PROSER1: variants seen among roughly 807,000 people sequenced by gnomAD.
The protein encoded by PROSER1 is proline and serine rich 1, also known as proline and serine-rich protein 1.
PROSER1 carries 36 observed loss-of-function variants against 71.8 expected under a neutral mutation model. The observed-to-expected ratio is 0.50, with a 90% CI of 0.38 to 0.66. PROSER1 has a LOEUF of 0.66. PROSER1 is among the 30% of genes least tolerant of loss of function. The pLI is 0.00. For missense variants in PROSER1, 1,107 were observed against 1,135.0 expected, an observed-to-expected ratio of 0.98 and a Z score of 0.35; for synonymous variants, 490 against 452.4, an observed-to-expected ratio of 1.08 and a Z score of -1.06.
In PROSER1 at chr13:39,017,533, G is replaced by A. The variant is rs1870062334; in HGVS notation, c.742C>T (p.Leu248Phe). 2 of 1,522,768 alleles carry A rather than the reference G, an allele frequency of 1.3e-6. No individual in the cohort carries two copies. Among genetic ancestry groups the A allele is most frequent in the Non-Finnish European group, 1.8e-6 (2 of 1,108,904 alleles). 94.3% of individuals were successfully genotyped at this position (1,522,768 alleles called of 1,614,324 possible). A position where few individuals can be genotyped will look rare whatever the true frequency, so the allele number is the denominator to read the frequency against. The change falls in exon 10 of 13, where the codon CTT becomes TTT. Residue 248 changes from leucine (L) to phenylalanine (F), a missense_variant. Physicochemically the swap from Leu to Phe is conservative, Grantham distance 22. Coordinates refer to ENST00000352251, the MANE Select transcript of PROSER1 (RefSeq NM_025138.5). Reference protein sequence around the residue: ...PNPVGTENEDLSNPSKPIQNQ... With the variant: ...PNPVGTENEDFSNPSKPIQNQ... ...TGTATAGGTTTTGACGGATTCGAAA[G>A]GTCTTCATTCTCTATATAAAAATAA... is the stretch of plus-strand genomic sequence containing the variant.
Position 39,012,985 on chromosome 13 carries a change from G to C in PROSER1, c.2267C>G (p.Pro756Arg), listed in dbSNP as rs1869755516. The change falls in exon 11 of 13, where the codon CCA becomes CGA. Residue 756 changes from proline to arginine, a missense_variant. Transcript: ENST00000352251. ...AVLSGLSASA[P>R]VSAAPFPLNL... ...GAGGGGGAAAGGTGCTGCTGAGACT[G>C]GTGCTGAAGCAGAAAGCCCTGAGAG... 6.2e-7 allele frequency: 1 copy of C among 1,614,062 alleles called. No homozygotes were observed. Among genetic ancestry groups the C allele is most frequent in the African/African-American group, 1.3e-5 (1 of 74,916 alleles).
rs1474551241 is a variant in PROSER1, at chr13:39,015,939, A to G, written c.776-1463T>C. Among the ~76,000 whole-genome samples, 4 of 152,196 alleles carry G rather than the reference A, an allele frequency of 2.6e-5. No individual in the cohort carries two copies. In the East Asian group the frequency reaches 7.7e-4, roughly 29 times the overall value. On this transcript the variant is annotated intron_variant, in intron 10 of 12. Transcript: ENST00000352251. ...CTTATGTTTGTAAATAATGTACCAA[A>G]AAGGTATTTAAGTCCATAGGTGTTG...
In PROSER1 at chr13:39,022,191, G is replaced by A. The variant is rs191780281; in HGVS notation, c.730+135C>T. ...ATGAAAACTGTCCCACATTACCAAG[G>A]ATTCACTTCCAGATCCTTCAGACTC... On this transcript the variant is annotated intron_variant, in intron 9 of 12. Transcript: ENST00000352251. The A allele has an allele frequency of 2.5e-4, 164 of 659,480 alleles. 1 individual carries two copies. The African/African-American group carries it at 2.7e-3, about 11-fold the overall frequency. The allele number at this position is 659,480 out of a possible 1,614,324, so 40.9% of individuals were successfully genotyped here.
Position 39,013,265 on chromosome 13 carries a change from G to A in PROSER1, c.1987C>T (p.Leu663Phe), listed in dbSNP as rs1869779926. The A allele has an allele frequency of 2.5e-6, 4 of 1,614,066 alleles. No homozygotes were observed. The highest frequency in any genetic ancestry group is 3.4e-6 in the Non-Finnish European group (4 of 1,180,036). The change falls in exon 11 of 13, where the codon CTC (leucine) becomes TTC (phenylalanine). Residue 663 changes from leucine (L) to phenylalanine (F), a missense_variant. Leu to Phe is a conservative substitution (Grantham distance 22). Transcript: ENST00000352251. ...SACLNPALSG[L>F]SSLSTPLNGS... Reference sequence around the variant, plus strand: ...TTTAAAGGAGTACTCAAGCTGGAGAGACCTGACAATGCAGGATTAAGGCAA... The same window carrying A: ...TTTAAAGGAGTACTCAAGCTGGAGAAACCTGACAATGCAGGATTAAGGCAA...
intron 1 of PROSER1, among the ~76,000 whole-genome samples, chr13:39,034,539 C>T (rs2138138308): frequency 6.6e-6 from 1 of 152,294 alleles, no homozygotes; most frequent in South Asian, 2.1e-4. Flanking sequence ...CAAAACATTC[C>T]AAATCCAAAT....
chr13:39,016,727 TC>T lies in PROSER1; in HGVS notation c.775+772del, dbSNP rs142180128. ...CAGAGGCAGGATAAGAAACTGGATG[TC>T]CTGACATTTCACTTAGTGTTCTTTA... On this transcript the variant is annotated intron_variant, in intron 10 of 12. Transcript: ENST00000352251. Among the ~76,000 whole-genome samples, 1,234 of 152,300 alleles carry T rather than the reference TC, an allele frequency of 8.1e-3. 14 individuals are homozygous for T. Among genetic ancestry groups the T allele is most frequent in the African/African-American group, 0.028 (1,175 of 41,560 alleles).
Position 39,028,242 on chromosome 13 carries a change from C to T in PROSER1, c.354G>A (p.Lys118=). Residue 118 remains lysine, a synonymous_variant, in exon 5 of 13, where the codon AAG becomes AAA. Transcript: ENST00000352251. Reference sequence around the variant, plus strand: ...AGAAAACTACCTGTTCAAGTATTCTCTTGCACCGTTTCTTCTCAGACATAT... The same window carrying T: ...AGAAAACTACCTGTTCAAGTATTCTTTTGCACCGTTTCTTCTCAGACATAT... The part of the protein sequence containing the change: ...RVNMSEKKRC[K]RILEQAFKGG... The T allele has an allele frequency of 6.3e-7, 1 of 1,577,706 alleles. No individual in the cohort carries two copies. The highest frequency in any genetic ancestry group is 8.7e-7 in the Non-Finnish European group (1 of 1,148,004).
At chr13:39,020,702 T>C (rs1389790538) in intron 9 of PROSER1, among the ~76,000 whole-genome samples, 2 of 152,208 alleles carry the variant, frequency 1.3e-5, no homozygotes, top group Non-Finnish European at 2.9e-5. Context: ...ATCTTCCATG[T>C]TGAAAGGGTG....
At chr13:39,036,796 T>C (rs930540690) in intron 1 of PROSER1, among the ~76,000 whole-genome samples, 5 of 152,168 alleles carry the variant, frequency 3.3e-5, no homozygotes, top group Admixed American at 6.5e-5. Flanking sequence ...GAAAACCCCA[T>C]CATAATAACT....
Position 39,013,326 on chromosome 13 carries a change from TGCACG to T in PROSER1, c.1921_1925del (p.Arg641IlefsTer15). The T allele has an allele frequency of 6.2e-7, 1 of 1,614,158 alleles. No homozygotes were observed. The highest frequency in any genetic ancestry group is 8.5e-7 in the Non-Finnish European group (1 of 1,180,028). On this transcript the variant is annotated frameshift_variant, in exon 11 of 13. Coordinates refer to ENST00000352251, the MANE Select transcript of PROSER1 (RefSeq NM_025138.5). LOFTEE classifies it high-confidence loss of function. ...TGATGGGCACGGATGTTGAAGTATA[TGCACG>T]GCCCAATGTCCCTGACAAACCTAAA...
chr13:39,013,530 G>A lies in PROSER1; in HGVS notation c.1722C>T (p.Ser574=). 6.2e-7 allele frequency: 1 copy of A among 1,614,100 alleles called. No individual in the cohort carries two copies. The highest frequency in any genetic ancestry group is 8.5e-7 in the Non-Finnish European group (1 of 1,180,026). The change falls in exon 11 of 13, where the codon AGC becomes AGT. Residue 574 remains serine, a synonymous_variant. Coordinates refer to ENST00000352251, the MANE Select transcript of PROSER1 (RefSeq NM_025138.5). ...GCAAAAGGGAGGCTGAGGAGCCACA[G>A]CTAACTGGCACTGACGTGGAAGCTG... ...AASASTSVPV[S]CGSSASLLRG... is the part of the protein sequence containing the mutation.
At chr13:39,029,107 G>C in intron 4 of PROSER1, 174 bp downstream of exon 4, 1 of 435,990 alleles carries the variant, frequency 2.3e-6, no homozygotes, top group Non-Finnish European at 4.0e-6. Context: ...ATAAGTTATA[G>C]TCATATATGT....
chr13:39,032,754 G>A (rs1870908004), intron 2 of PROSER1, among the ~76,000 whole-genome samples: 1 of 151,886 alleles, frequency 6.6e-6, no homozygotes, highest in South Asian at 2.1e-4. Flanking sequence ...CCATATCTAA[G>A]ATACAAAGAA....
At position 39,029,361 on chromosome 13, in the gene PROSER1, G is replaced by A. The variant is rs61737582; in HGVS notation, c.195C>T (p.Val65=). The A allele has an allele frequency of 0.068, 98,634 of 1,442,924 alleles. 3,700 individuals are homozygous for A. Among genetic ancestry groups the A allele is most frequent in the South Asian group, 0.12 (7,565 of 61,486 alleles). 89.4% of individuals were successfully genotyped at this position (1,442,924 alleles called of 1,614,324 possible). The change falls in exon 4 of 13, where the codon GTC becomes GTT. Residue 65 remains valine (V), a synonymous_variant. Transcript: ENST00000352251. ...MKALQHKMVA[V]QPTEVVNILN... ...GTATATTGACCACTTCTGTTGGCTG[G>A]ACAGCCACCATTTTCTGTTGATATA...
intron 10 of PROSER1, among the ~76,000 whole-genome samples, chr13:39,015,770 C>T (rs1869980341): frequency 6.6e-6 from 1 of 152,006 alleles, no homozygotes; most frequent in Admixed American, 6.6e-5. Context: ...AAGTCTTGAC[C>T]GTATTAATGT....
At chr13:39,025,872 T>C (rs1420218288) in intron 6 of PROSER1, among the ~76,000 whole-genome samples, 3 of 152,220 alleles carry the variant, frequency 2.0e-5, no homozygotes, top group Non-Finnish European at 4.4e-5. Flanking sequence ...CATTAGATGA[T>C]ATAAAAACAA....
chr13:39,028,693 C>T (rs1204925045), intron 4 of PROSER1, among the ~76,000 whole-genome samples: 1 of 152,004 alleles, frequency 6.6e-6, no homozygotes, highest in Non-Finnish European at 1.5e-5. Context: ...TAATTTTGTG[C>T]TTTTATGGAC....
Position 39,035,897 on chromosome 13 carries a change from T to C in PROSER1, c.45+1301A>G, listed in dbSNP as rs960721673. On this transcript the variant is annotated intron_variant, in intron 1 of 12. Transcript: ENST00000352251. ...CACTCGGCAAAGCCAGCAGAAGATA[T>C]ATTTTAACTGCTGACCAGAAATACA... Among the ~76,000 whole-genome samples, 9 of 152,226 alleles carry C rather than the reference T, an allele frequency of 5.9e-5. No homozygotes were observed. The South Asian group carries it at 1.0e-3, about 17-fold the overall frequency.
At chr13:39,022,797 C>A in intron 8 of PROSER1, 1 of 407,658 alleles carries the variant, frequency 2.5e-6, no homozygotes, top group Non-Finnish European at 4.4e-6. Context: ...GATGATTTAC[C>A]AAAGTGAAAA....
Sources: gnomAD v4.1 joint callset for allele counts (sites outside exome capture counted in the v4.1 genomes callset) on GRCh38, gnomAD v4.1.1 for gene constraint, MANE v1.5 for transcripts, NCBI Gene and HGNC (gene_info 2026-07-23, HGNC 2026-07-21) for gene names.